FRYL: variants seen among roughly 807,000 people sequenced by gnomAD.
The protein encoded by FRYL is protein furry homolog-like.
FRYL carries 150 observed loss-of-function variants against 351.2 expected under a neutral mutation model. The ratio of observed to expected loss-of-function variants is 0.43; its 90% CI spans 0.37 to 0.49. FRYL has a LOEUF of 0.49. FRYL is among the 20% of genes least tolerant of loss of function. The pLI is 0.00. For synonymous variants in FRYL, 1,153 were observed against 1,257.1 expected, an observed-to-expected ratio of 0.92 and a Z score of 1.75; for missense variants, 3,036 against 3,619.3, an observed-to-expected ratio of 0.84 and a Z score of 4.13.
At chr4:48,613,893 T>C (rs1748765360) in intron 7 of FRYL, among the ~76,000 whole-genome samples, 1 of 150,340 alleles carries the variant, frequency 6.7e-6, no homozygotes. Flanking sequence ...GAGGTGGAGG[T>C]TGCAATGAGC....
chr4:48,504,780 G>T (rs543685164), intron 60 of FRYL, among the ~76,000 whole-genome samples: 1 of 152,192 alleles, frequency 6.6e-6, no homozygotes, highest in African/African-American at 2.4e-5. Flanking sequence ...TTAACACTTA[G>T]CGAGTATACT....
At chr4:48,517,738 C>T (rs1244907835) in intron 55 of FRYL, among the ~76,000 whole-genome samples, 1 of 152,204 alleles carries the variant, frequency 6.6e-6, no homozygotes, top group Non-Finnish European at 1.5e-5. Flanking sequence ...TAAAGTTTGT[C>T]ATGACAGAAG....
chr4:48,499,912 CAT>C, intron 63 of FRYL, 116 bp downstream of exon 63: 1 of 826,074 alleles, frequency 1.2e-6, no homozygotes, highest in Non-Finnish European at 1.9e-6. Context: ...TAAAAATACT[CAT>C]GTTTTTCTTT....
In FRYL at chr4:48,501,344, C is replaced by T. The variant is rs112218258; in HGVS notation, c.8592+279G>A. Among the ~76,000 whole-genome samples, 680 of 152,236 alleles carry T rather than the reference C, an allele frequency of 4.5e-3. 4 individuals are homozygous for T. The highest frequency in any genetic ancestry group is 0.015 in the African/African-American group (631 of 41,518). On this transcript the variant is annotated intron_variant, in intron 62 of 63. Coordinates refer to ENST00000358350, the MANE Select transcript of FRYL (RefSeq NM_015030.2). Reference sequence around the variant, plus strand: ...TAACTAGGACTATAGGTATGTGCCACCATCCCTGGCTTTTACTTGACTTTT... The same window carrying T: ...TAACTAGGACTATAGGTATGTGCCATCATCCCTGGCTTTTACTTGACTTTT...
At chr4:48,639,251 T>C (rs371702709) in intron 3 of FRYL, among the ~76,000 whole-genome samples, 2 of 152,034 alleles carry the variant, frequency 1.3e-5, no homozygotes, top group Admixed American at 6.6e-5. Flanking sequence ...CAGCACAATA[T>C]TGAAGGAGAA....
At chr4:48,737,489 C>A (rs932983703) in intron 1 of FRYL, among the ~76,000 whole-genome samples, 2 of 152,074 alleles carry the variant, frequency 1.3e-5, no homozygotes, top group African/African-American at 4.8e-5. Flanking sequence ...TCAATAATAA[C>A]CTTCCAAAAG....
At chr4:48,647,025 C>G (rs1389748772) in intron 3 of FRYL, among the ~76,000 whole-genome samples, 1 of 152,150 alleles carries the variant, frequency 6.6e-6, no homozygotes, top group African/African-American at 2.4e-5. Context: ...TCATTCTCTT[C>G]AAGATCAGAG....
At chr4:48,650,128 G>A (rs1258642566) in intron 3 of FRYL, among the ~76,000 whole-genome samples, 1 of 151,988 alleles carries the variant, frequency 6.6e-6, no homozygotes, top group African/African-American at 2.4e-5. Flanking sequence ...AAAATGTTAT[G>A]AAAATGTATT....
chr4:48,652,074 T>C (rs991204527), intron 3 of FRYL, among the ~76,000 whole-genome samples: 1 of 152,206 alleles, frequency 6.6e-6, no homozygotes, highest in African/African-American at 2.4e-5. Flanking sequence ...CAAACATCTG[T>C]TTTTGGTTCA....
chr4:48,716,483 C>G (rs1293625787), intron 1 of FRYL, among the ~76,000 whole-genome samples: 1 of 151,600 alleles, frequency 6.6e-6, no homozygotes, highest in Non-Finnish European at 1.5e-5. Flanking sequence ...ACAGACACTT[C>G]TCAAAAGAGG....
chr4:48,725,892 A>G (rs762842934), intron 1 of FRYL, among the ~76,000 whole-genome samples: 18 of 152,196 alleles, frequency 1.2e-4, no homozygotes, highest in Non-Finnish European at 2.6e-4. Context: ...AAAACATAGT[A>G]TACATAGGAT....
intron 13 of FRYL, among the ~76,000 whole-genome samples, chr4:48,599,181 T>C (rs570187819): frequency 5.3e-5 from 8 of 152,322 alleles, no homozygotes; most frequent in East Asian, 1.9e-4. Context: ...AATGTAAGTA[T>C]AGATTGTTGA....
chr4:48,506,764 T>TTA (rs1368099862), intron 59 of FRYL, among the ~76,000 whole-genome samples: 2 of 151,332 alleles, frequency 1.3e-5, no homozygotes, highest in Admixed American at 1.3e-4. Flanking sequence ...CTATTGTAGC[T>TTA]TATGTTGTAC....
At chr4:48,685,775 C>T (rs1365177365) in intron 2 of FRYL, among the ~76,000 whole-genome samples, 3 of 150,288 alleles carry the variant, frequency 2.0e-5, no homozygotes, top group East Asian at 3.9e-4. Context: ...TTTTTTTTGA[C>T]GGAGTTTCAC....
intron 2 of FRYL, among the ~76,000 whole-genome samples, chr4:48,687,334 C>G (rs1765236002): frequency 6.6e-6 from 1 of 152,024 alleles, no homozygotes; most frequent in African/African-American, 2.4e-5. Flanking sequence ...TATTTGACAA[C>G]ACTGAAGAGA....
At chr4:48,591,649 G>A (rs796491588) in intron 16 of FRYL, among the ~76,000 whole-genome samples, 4 of 152,112 alleles carry the variant, frequency 2.6e-5, no homozygotes, top group African/African-American at 9.6e-5. Context: ...CCCTGACCTG[G>A]GTATTAAATG....
chr4:48,528,837 C>G (rs1726870873), intron 50 of FRYL, among the ~76,000 whole-genome samples: 2 of 152,150 alleles, frequency 1.3e-5, no homozygotes, highest in African/African-American at 4.8e-5. Context: ...ATTCTTATTA[C>G]AAATCTGATG....
At chr4:48,771,979 A>G (rs927699793) in intron 1 of FRYL, among the ~76,000 whole-genome samples, 5 of 152,248 alleles carry the variant, frequency 3.3e-5, no homozygotes, top group Admixed American at 2.0e-4. Flanking sequence ...GGTTTCACCA[A>G]CAAACAAAAT....
intron 1 of FRYL, among the ~76,000 whole-genome samples, chr4:48,723,285 G>C (rs941890558): frequency 3.3e-5 from 5 of 152,038 alleles, no homozygotes; most frequent in Non-Finnish European, 7.4e-5. Context: ...TGCAACTAAA[G>C]GCATATGGCA....
Sources: allele counts gnomAD v4.1 joint callset (sites outside exome capture counted in the v4.1 genomes callset), GRCh38; gene constraint gnomAD v4.1.1; transcripts MANE v1.5; gene names NCBI Gene and HGNC (gene_info 2026-07-23, HGNC 2026-07-21).